Variants in PEBP4 observed in about 807,000 individuals in gnomAD.
PEBP4 encodes phosphatidylethanolamine binding protein 4, also known as phosphatidylethanolamine-binding protein 4.
Under a neutral mutation model 23.9 loss-of-function variants are expected in PEBP4, and 22 were observed. The ratio of observed to expected loss-of-function variants is 0.92; its 90% confidence interval spans 0.66 to 1.31. The LOEUF (loss-of-function observed/expected upper bound fraction) is 1.31, where lower values mean the gene tolerates loss of function less well. Among genes scored for constraint, PEBP4 ranks in the 40% most tolerant of loss-of-function variants. PEBP4 has a pLI of 0.00. For missense variants in PEBP4, 324 were observed against 281.7 expected, an observed-to-expected ratio of 1.15 and a Z score of -1.07; for synonymous variants, 112 against 99.3, an observed-to-expected ratio of 1.13 and a Z score of -0.76.
At chr8:22,824,300 AC>A (rs1178929433) in intron 3 of PEBP4, among the ~76,000 whole-genome samples, 1 of 152,080 alleles carries the variant, frequency 6.6e-6, no homozygotes, top group Non-Finnish European at 1.5e-5. Flanking sequence ...AAATCCCAGA[AC>A]CCTCATTCTT....
At chr8:22,776,034 G>A (rs1161639655) in intron 4 of PEBP4, among the ~76,000 whole-genome samples, 1 of 152,132 alleles carries the variant, frequency 6.6e-6, no homozygotes, top group African/African-American at 2.4e-5. Flanking sequence ...TGTGGCAGGG[G>A]CTGCCTGGGG....
At chr8:22,826,021 G>A (rs113013198) in intron 3 of PEBP4, among the ~76,000 whole-genome samples, 2 of 152,176 alleles carry the variant, frequency 1.3e-5, no homozygotes, top group Non-Finnish European at 2.9e-5. Context: ...TGGTTGCCAG[G>A]GTTGGCGTGG....
At chr8:22,848,656 G>A (rs1807490433) in intron 3 of PEBP4, among the ~76,000 whole-genome samples, 1 of 152,160 alleles carries the variant, frequency 6.6e-6, no homozygotes, top group Non-Finnish European at 1.5e-5. Flanking sequence ...GAGGCAGGTG[G>A]GAGGGAGGAG....
intron 4 of PEBP4, among the ~76,000 whole-genome samples, chr8:22,761,325 C>T (rs976421340): frequency 2.0e-5 from 3 of 151,878 alleles, no homozygotes; most frequent in South Asian, 2.1e-4. Context: ...TGATGCCAAC[C>T]GGAAAGCCCT....
chr8:22,803,560 A>G (rs1488272096), intron 4 of PEBP4, among the ~76,000 whole-genome samples: 1 of 152,124 alleles, frequency 6.6e-6, no homozygotes, highest in Non-Finnish European at 1.5e-5. Flanking sequence ...GCTACTCAGG[A>G]AGCTGAGGCC....
chr8:22,874,735 C>T (rs968858463), intron 3 of PEBP4, among the ~76,000 whole-genome samples: 1 of 152,176 alleles, frequency 6.6e-6, no homozygotes, highest in African/African-American at 2.4e-5. Flanking sequence ...TCCTCCACTC[C>T]TATGGCAGCC....
chr8:22,860,166 A>ATGTATATATATATACACATATATATG (rs1807739038), intron 3 of PEBP4, among the ~76,000 whole-genome samples: 10 of 125,298 alleles, frequency 8.0e-5, no homozygotes, highest in African/African-American at 2.9e-4. Flanking sequence ...ACACATATAT[A>ATGTATATATATATACACATATATATG]TGTATATATA....
At chr8:22,752,310 A>G (rs529425576) in intron 4 of PEBP4, among the ~76,000 whole-genome samples, 1 of 152,320 alleles carries the variant, frequency 6.6e-6, no homozygotes, top group African/African-American at 2.4e-5. Context: ...CATAGTGGCC[A>G]GATTTGTAAA....
chr8:22,884,187 G>T (rs901720673), intron 3 of PEBP4: 1 of 152,200 alleles, frequency 6.6e-6, no homozygotes, highest in African/African-American at 2.4e-5. Flanking sequence ...CCCACACAGA[G>T]AGCAGACACA....
chr8:22,770,859 T>TA (rs745992877), intron 4 of PEBP4, among the ~76,000 whole-genome samples: 15 of 151,766 alleles, frequency 9.9e-5, no homozygotes, highest in Admixed American at 6.6e-4. Context: ...GGTTTTGCAG[T>TA]AAAAAAAAAT....
At chr8:22,826,818 T>C (rs1170819206) in intron 3 of PEBP4, among the ~76,000 whole-genome samples, 3 of 152,248 alleles carry the variant, frequency 2.0e-5, no homozygotes, top group African/African-American at 7.2e-5. Flanking sequence ...GACATCTATA[T>C]GTGTGTTCTA....
intron 4 of PEBP4, among the ~76,000 whole-genome samples, chr8:22,786,356 C>T (rs927821022): frequency 2.0e-5 from 3 of 152,104 alleles, no homozygotes; most frequent in African/African-American, 4.8e-5. Flanking sequence ...GACCATAGCT[C>T]ACTGCAGCCT....
chr8:22,817,825 C>A, intron 3 of PEBP4, 90 bp from the exon 4 acceptor site: 1 of 1,216,710 alleles, frequency 8.2e-7, no homozygotes, highest in South Asian at 1.2e-5. Flanking sequence ...CCATTCCAAC[C>A]GAGAATGGCT....
intron 4 of PEBP4, among the ~76,000 whole-genome samples, chr8:22,772,667 T>G (rs371407006): frequency 2.0e-5 from 3 of 152,200 alleles, no homozygotes; most frequent in East Asian, 1.9e-4. Flanking sequence ...AAACCAGCAG[T>G]CAGAGAGATT....
chr8:22,740,595 G>A (rs1395446228), intron 4 of PEBP4, among the ~76,000 whole-genome samples: 1 of 152,154 alleles, frequency 6.6e-6, no homozygotes. Context: ...CAGGGAAGGG[G>A]ACCACTCATC....
At chr8:22,736,669 G>A (rs1804866653) in intron 4 of PEBP4, among the ~76,000 whole-genome samples, 1 of 152,196 alleles carries the variant, frequency 6.6e-6, no homozygotes, top group Admixed American at 6.5e-5. Flanking sequence ...GTTGCTAAAT[G>A]TGATTACTAT....
At position 22,749,415 on chromosome 8, in the gene PEBP4, C is replaced by T. The variant is rs77873718; in HGVS notation, c.358-22195G>A. 5.1e-4 allele frequency among the ~76,000 whole-genome samples: 78 copies of T among 152,318 alleles called. 1 individual carries two copies. Among genetic ancestry groups the T allele is most frequent in the East Asian group, 1.9e-3 (10 of 5,182 alleles). On this transcript the variant is annotated intron_variant, in intron 4 of 6. Transcript: ENST00000256404. ...GAGCACAACTGTCTTCCCGGGCTCA[C>T]GGCCTCCACCTACCCAGCTAGAGCT...
intron 4 of PEBP4, among the ~76,000 whole-genome samples, chr8:22,774,510 C>T (rs570915934): frequency 3.0e-4 from 46 of 152,232 alleles, no homozygotes; most frequent in East Asian, 1.2e-3. Context: ...ACAGGTTTGG[C>T]GCCAGCCTGT....
chr8:22,782,846 T>C (rs2128755535), intron 4 of PEBP4, among the ~76,000 whole-genome samples: 1 of 152,338 alleles, frequency 6.6e-6, no homozygotes, highest in African/African-American at 2.4e-5. Context: ...ACATCACACC[T>C]GGAGGTTAGT....
Sources: gnomAD v4.1 joint callset for allele counts (sites outside exome capture counted in the v4.1 genomes callset) on GRCh38, gnomAD v4.1.1 for gene constraint, MANE v1.5 for transcripts, NCBI Gene and HGNC (gene_info 2026-07-23, HGNC 2026-07-21) for gene names.